The following PTP4A3 variants were observed in gnomAD, a reference collection of about 807,000 sequenced individuals.
The protein encoded by PTP4A3 is protein tyrosine phosphatase 4A3.
A neutral mutation model predicts 15.2 loss-of-function variants in PTP4A3; 9 were observed. That is an observed-to-expected ratio of 0.59 (90% CI 0.36 to 1.03). PTP4A3 has a LOEUF of 1.03. PTP4A3 is among the 50% of genes least tolerant of loss of function. The probability of loss-of-function intolerance (pLI) is 0.02; values close to 1 mark genes in which losing one functional copy is unlikely to be tolerated. For missense variants in PTP4A3, 234 were observed against 252.1 expected (o/e 0.93, Z 0.49); for synonymous variants, 95 against 102.0 (o/e 0.93, Z 0.41).
At chr8:141,407,943 G>A (rs1309277536) in intron 1 of PTP4A3, among the ~76,000 whole-genome samples, 3 of 152,230 alleles carry the variant, frequency 2.0e-5, no homozygotes, top group East Asian at 3.9e-4. Flanking sequence ...TAGCGTTAGT[G>A]TATTTTATGT....
intron 1 of PTP4A3, among the ~76,000 whole-genome samples, chr8:141,407,058 C>G (rs1171212539): frequency 6.6e-6 from 1 of 152,202 alleles, no homozygotes; most frequent in South Asian, 2.1e-4. Context: ...AGTCCCTCCC[C>G]AACTCCCCTG....
chr8:141,411,603 C>T (rs866999645), intron 1 of PTP4A3, among the ~76,000 whole-genome samples: 14 of 152,252 alleles, frequency 9.2e-5, no homozygotes, highest in Admixed American at 5.2e-4. Flanking sequence ...GTCCCCTCAC[C>T]GTGCAGGGCT....
chr8:141,425,243 AGCCCTGG>A lies in PTP4A3; in HGVS notation c.198+106_198+112del, dbSNP rs1833514702. On this transcript the variant is annotated intron_variant, in intron 3 of 5. Coordinates refer to ENST00000521578, the MANE Select transcript of PTP4A3 (RefSeq NM_032611.3). This position sits in a 1 kb window ranked among gnomAD's most constrained non-coding sequence, Gnocchi z 4.2. ...GAGGGTTTGGTGCCCCTCCTGTGGC[AGCCCTGG>A]GCATGTCTGTGCCTGGGCCACGTGT... The A allele has an allele frequency of 8.4e-7, 1 of 1,196,848 alleles. No homozygotes were observed. Among genetic ancestry groups the A allele is most frequent in the African/African-American group, 1.5e-5 (1 of 66,376 alleles). 74.1% of individuals were successfully genotyped at this position (1,196,848 alleles called of 1,614,324 possible). A position where few individuals can be genotyped will look rare whatever the true frequency, so the allele number is the denominator to read the frequency against.
chr8:141,427,818 TC>T lies in PTP4A3; in HGVS notation c.400del (p.Arg134AlafsTer52). The T allele has an allele frequency of 6.5e-7, 1 of 1,550,112 alleles. No individual in the cohort carries two copies. Among genetic ancestry groups the T allele is most frequent in the Non-Finnish European group, 8.7e-7 (1 of 1,146,652 alleles). On this transcript the variant is annotated frameshift_variant, in exon 5 of 6. Coordinates refer to ENST00000521578, the MANE Select transcript of PTP4A3 (RefSeq NM_032611.3). LOFTEE classifies it high-confidence loss of function. ...GMKYEDAIQF[I>X]RQKRRGAINS... Reference sequence around the variant, plus strand: ...AAGTACGAGGACGCCATCCAGTTCATCCGCCAGTGAGTGGCCGCGGTGGTGG... The same window carrying T: ...AAGTACGAGGACGCCATCCAGTTCATCGCCAGTGAGTGGCCGCGGTGGTGG...
In PTP4A3 at chr8:141,422,357, C is replaced by A; in HGVS notation, c.105+12C>A. On this transcript the variant is annotated intron_variant, in intron 2 of 5. Coordinates refer to ENST00000521578, the MANE Select transcript of PTP4A3 (RefSeq NM_032611.3). The stretch of plus-strand genomic sequence containing the variant: ...GCACCTTCATTGAGGTGAGTGGAGA[C>A]GGAGGTGTGGCAGGCAGGTGGCCCA... 1 of 1,613,120 alleles carries A rather than the reference C, an allele frequency of 6.2e-7. No homozygotes were observed. The highest frequency in any genetic ancestry group is 8.5e-7 in the Non-Finnish European group (1 of 1,179,840).
rs1425083531 is a variant in PTP4A3, at chr8:141,425,480, C to T, written c.198+340C>T. 1.3e-5 allele frequency among the ~76,000 whole-genome samples: 2 copies of T among 152,022 alleles called. No homozygotes were observed. Among genetic ancestry groups the T allele is most frequent in the Admixed American group, 1.3e-4 (2 of 15,276 alleles). ...TCCTCTGGGCCTGTCTTGGGTGCAT[C>T]TCAGTCTTGCTGCCTGGGCGGCTGG... On this transcript the variant is annotated intron_variant, in intron 3 of 5. Coordinates refer to ENST00000521578, the MANE Select transcript of PTP4A3 (RefSeq NM_032611.3). The surrounding 1 kb of genome is among the most constrained non-coding windows in gnomAD (Gnocchi z 4.2).
chr8:141,426,665 C>T (rs1303030253), intron 3 of PTP4A3: 1 of 985,254 alleles, frequency 1.0e-6, no homozygotes, highest in Admixed American at 6.1e-5. Flanking sequence ...CTGGAGCAGG[C>T]TCTATTCAGA....
chr8:141,423,605 G>A (rs967054411), intron 2 of PTP4A3, among the ~76,000 whole-genome samples: 10 of 151,126 alleles, frequency 6.6e-5, no homozygotes, highest in Middle Eastern at 3.4e-3. Context: ...CAGGATTAGC[G>A]CTCAGTATGT....
intron 1 of PTP4A3, among the ~76,000 whole-genome samples, chr8:141,418,462 C>T (rs1833157568): frequency 1.3e-5 from 2 of 152,200 alleles, no homozygotes; most frequent in Admixed American, 1.3e-4. Flanking sequence ...TGGTGTGGCC[C>T]TGGTGGAGAA....
intron 1 of PTP4A3, among the ~76,000 whole-genome samples, chr8:141,411,855 T>C (rs1832878787): frequency 8.0e-6 from 1 of 125,062 alleles, no homozygotes; most frequent in Admixed American, 7.5e-5. Flanking sequence ...CTTGGCTGTT[T>C]TAAGAAGAAA....
intron 2 of PTP4A3, among the ~76,000 whole-genome samples, chr8:141,424,166 T>C (rs1440566790): frequency 6.6e-6 from 1 of 152,108 alleles, no homozygotes; most frequent in Non-Finnish European, 1.5e-5. Context: ...AGTTGGGTGC[T>C]GGCCTCTCTG....
chr8:141,404,889 C>A (rs1301665522), intron 1 of PTP4A3, among the ~76,000 whole-genome samples: 1 of 152,210 alleles, frequency 6.6e-6, no homozygotes, highest in Non-Finnish European at 1.5e-5. Context: ...CAGCGCCTGG[C>A]ACTCAGGCTG....
rs963428272 is a variant in PTP4A3 at position 141,409,150 on chromosome 8, C to G, written c.-853-12238C>G. On this transcript the variant is annotated intron_variant, in intron 1 of 5. Coordinates refer to ENST00000521578, the MANE Select transcript of PTP4A3 (RefSeq NM_032611.3). The stretch of plus-strand genomic sequence containing the variant: ...CCTCTCAGTCCCCAAGGTGCTGACC[C>G]ACCGCTGCCTTTCCCGAGTCCTCCC... Among the ~76,000 whole-genome samples the G allele has an allele frequency of 2.0e-5, 3 of 152,324 alleles. No homozygotes were observed. The East Asian group carries it at 5.8e-4, about 29-fold the overall frequency.
rs1352359479 is a variant in PTP4A3, at chr8:141,427,789, G to C, written c.369G>C (p.Gly123=). The C allele has an allele frequency of 1.3e-6, 2 of 1,551,942 alleles. No homozygotes were observed. The highest frequency in any genetic ancestry group is 1.7e-6 in the Non-Finnish European group (2 of 1,147,658). ...VLVALALIES[G]MKYEDAIQFI... ...TGGCGCTGGCCCTTATTGAGAGCGG[G>C]ATGAAGTACGAGGACGCCATCCAGT... The change falls in exon 5 of 6, where the codon GGG becomes GGC. Residue 123 remains glycine, a synonymous_variant. Transcript: ENST00000521578.
rs767693292 is a variant in PTP4A3 at position 141,431,119 on chromosome 8, G to T, written c.*75G>T. On this transcript the variant is annotated 3_prime_UTR_variant, in exon 6 of 6. Coordinates refer to ENST00000521578, the MANE Select transcript of PTP4A3 (RefSeq NM_032611.3). Reference sequence around the variant, plus strand: ...GGACCTGGAGGCCCTGCCCAGCCCTGCTCTGCCCAGCCCAGCAGGGGCTCC... The same window carrying T: ...GGACCTGGAGGCCCTGCCCAGCCCTTCTCTGCCCAGCCCAGCAGGGGCTCC... 1.4e-6 allele frequency: 2 copies of T among 1,424,506 alleles called. No individual in the cohort carries two copies. Among genetic ancestry groups the T allele is most frequent in the African/African-American group, 1.4e-5 (1 of 70,678 alleles). 88.2% of individuals were successfully genotyped at this position (1,424,506 alleles called of 1,614,324 possible).
intron 1 of PTP4A3, among the ~76,000 whole-genome samples, chr8:141,402,740 C>G (rs1013172688): frequency 6.6e-6 from 1 of 152,038 alleles, no homozygotes; most frequent in African/African-American, 2.4e-5. Flanking sequence ...CCCCTCCCCC[C>G]TGCTTCCGCT....
intron 1 of PTP4A3, among the ~76,000 whole-genome samples, chr8:141,401,324 C>T (rs1456372892): frequency 6.6e-6 from 1 of 152,178 alleles, no homozygotes; most frequent in Non-Finnish European, 1.5e-5. Context: ...TCATCTGCTC[C>T]TTTGCAGATG....
At chr8:141,404,641 CG>C (rs1220787415) in intron 1 of PTP4A3, among the ~76,000 whole-genome samples, 7 of 152,146 alleles carry the variant, frequency 4.6e-5, no homozygotes, top group Non-Finnish European at 7.4e-5. Context: ...ACAGAATGGA[CG>C]GGTCCTTGGG....
intron 1 of PTP4A3, among the ~76,000 whole-genome samples, chr8:141,411,061 C>T (rs988120806): frequency 2.0e-5 from 3 of 152,318 alleles, no homozygotes; most frequent in Admixed American, 6.5e-5. Context: ...CGTGGGGCAC[C>T]TCTGTGTGCA....
Sources: allele counts gnomAD v4.1 joint callset (sites outside exome capture counted in the v4.1 genomes callset), GRCh38; gene constraint gnomAD v4.1.1; non-coding constraint Gnocchi (gnomAD v3.1); transcripts MANE v1.5; gene names NCBI Gene and HGNC (gene_info 2026-07-23, HGNC 2026-07-21).